Variants in KCNH8 observed in about 807,000 individuals in gnomAD.
KCNH8 encodes the protein potassium voltage-gated channel subfamily H member 8, also known as voltage-gated delayed rectifier potassium channel KCNH8.
KCNH8 carries 70 observed loss-of-function variants against 103.6 expected under a neutral mutation model. That is an observed-to-expected ratio of 0.68 (90% CI 0.56 to 0.82). The LOEUF (loss-of-function observed/expected upper bound fraction) is 0.82. Among genes scored for constraint, KCNH8 ranks in the 40% least tolerant of loss-of-function variants. The pLI is 0.00. For synonymous variants in KCNH8, 498 were observed against 489.4 expected (o/e 1.02, Z -0.23); for missense variants, 1,217 against 1,329.9 (o/e 0.92, Z 1.32).
chr3:19,210,814 T>A (rs1472870745), intron 1 of KCNH8, among the ~76,000 whole-genome samples: 1 of 152,118 alleles, frequency 6.6e-6, no homozygotes, highest in African/African-American at 2.4e-5. Context: ...CAAAGTAGGT[T>A]CCTCTGACAG....
chr3:19,175,460 C>T (rs567934687), intron 1 of KCNH8, among the ~76,000 whole-genome samples: 27 of 152,272 alleles, frequency 1.8e-4, no homozygotes, highest in Non-Finnish European at 3.5e-4. Flanking sequence ...CCGTCCGCCT[C>T]GGCCTCCCAA....
intron 7 of KCNH8, among the ~76,000 whole-genome samples, chr3:19,429,612 C>T (rs1400534712): frequency 2.0e-5 from 3 of 152,038 alleles, no homozygotes; most frequent in Non-Finnish European, 4.4e-5. Flanking sequence ...GGTACAAACC[C>T]AGGTTTGTTA....
intron 8 of KCNH8, among the ~76,000 whole-genome samples, chr3:19,443,058 T>C (rs2067305992): frequency 6.6e-6 from 1 of 151,900 alleles, no homozygotes; most frequent in South Asian, 2.1e-4. Flanking sequence ...TTTTTATAAA[T>C]ATAAACAAAT....
At chr3:19,156,974 T>C (rs1559400784) in intron 1 of KCNH8, among the ~76,000 whole-genome samples, 1 of 150,750 alleles carries the variant, frequency 6.6e-6, no homozygotes. Context: ...AGCTTTTTTT[T>C]TTTTTTTTAA....
chr3:19,180,417 T>C (rs1038486858), intron 1 of KCNH8, among the ~76,000 whole-genome samples: 1 of 152,132 alleles, frequency 6.6e-6, no homozygotes, highest in Non-Finnish European at 1.5e-5. Context: ...ATATTTATCA[T>C]GGAATAAACA....
At chr3:19,376,752 A>T (rs1002301262) in intron 5 of KCNH8, among the ~76,000 whole-genome samples, 4 of 152,194 alleles carry the variant, frequency 2.6e-5, no homozygotes, top group Admixed American at 2.6e-4. Context: ...TTTACATTGG[A>T]TAATCCAAAA....
At chr3:19,477,895 A>G (rs1038626086) in intron 11 of KCNH8, among the ~76,000 whole-genome samples, 2 of 152,048 alleles carry the variant, frequency 1.3e-5, no homozygotes, top group Non-Finnish European at 2.9e-5. Flanking sequence ...ATTGTACTCA[A>G]TAAGTAATTT....
rs369242343 is a variant in KCNH8 at position 19,175,362 on chromosome 3, C to G, written c.76+26567C>G. ...TCAGCCTCCCGAGTAGCTGGGACTACAGGCGCCCGCCACTACGCCCGGCTA... is the reference window on the plus strand; with the variant it reads ...TCAGCCTCCCGAGTAGCTGGGACTAGAGGCGCCCGCCACTACGCCCGGCTA... On this transcript the variant is annotated intron_variant, in intron 1 of 15. Transcript: ENST00000328405. 4.5e-3 allele frequency among the ~76,000 whole-genome samples: 686 copies of G among 151,604 alleles called. 5 individuals are homozygous for G. Among genetic ancestry groups the G allele is most frequent in the African/African-American group, 0.015 (614 of 41,436 alleles).
At chr3:19,174,316 T>C (rs1291096021) in intron 1 of KCNH8, among the ~76,000 whole-genome samples, 3 of 152,320 alleles carry the variant, frequency 2.0e-5, no homozygotes, top group African/African-American at 4.8e-5. Flanking sequence ...TTCAAATACA[T>C]TTGAATAAAA....
At chr3:19,518,301 T>C (rs2068910302) in intron 15 of KCNH8, among the ~76,000 whole-genome samples, 1 of 152,080 alleles carries the variant, frequency 6.6e-6, no homozygotes, top group African/African-American at 2.4e-5. Flanking sequence ...TAATAATGCC[T>C]GCCTTATGGC....
chr3:19,457,324 T>C (rs971854318), intron 11 of KCNH8, among the ~76,000 whole-genome samples: 1 of 151,982 alleles, frequency 6.6e-6, no homozygotes, highest in Non-Finnish European at 1.5e-5. Context: ...ATGAAGTATA[T>C]GGTTCAGTTT....
intron 3 of KCNH8, among the ~76,000 whole-genome samples, chr3:19,301,370 A>G (rs1027639387): frequency 1.3e-5 from 2 of 148,764 alleles, no homozygotes; most frequent in African/African-American, 4.9e-5. Flanking sequence ...TAAAATAAAT[A>G]TGTAACATTT....
At chr3:19,432,272 G>A (rs776274120) in intron 7 of KCNH8, among the ~76,000 whole-genome samples, 2 of 152,116 alleles carry the variant, frequency 1.3e-5, no homozygotes, top group Admixed American at 6.6e-5. Flanking sequence ...GGAAACTTGA[G>A]ATTCCTTTTC....
intron 5 of KCNH8, among the ~76,000 whole-genome samples, chr3:19,351,632 A>T (rs1054191237): frequency 1.3e-5 from 2 of 152,196 alleles, no homozygotes; most frequent in Admixed American, 6.6e-5. Context: ...ATCCGGCCAA[A>T]CTAAGCTTCA....
intron 1 of KCNH8, among the ~76,000 whole-genome samples, chr3:19,186,954 CAATTCAGCTGTTGTAGCA>C (rs1300010998): frequency 7.2e-5 from 11 of 151,996 alleles, no homozygotes; most frequent in Non-Finnish European, 1.3e-4. Flanking sequence ...GTCTCCCATT[CAATTCAGCTGTTGTAGCA>C]TGAAAGCAGC....
Position 19,219,140 on chromosome 3 carries a change from T to C in KCNH8, c.77-34514T>C, listed in dbSNP as rs916635372. Among the ~76,000 whole-genome samples the C allele has an allele frequency of 5.3e-5, 8 of 152,168 alleles. 1 individual carries two copies. The highest frequency in any genetic ancestry group is 3.9e-4 in the East Asian group (2 of 5,176). ...GAATGTGCTGCTGCCCTAAAGTCTT[T>C]GCCTTGTCTGTTCCCTCTGCCTAGA... On this transcript the variant is annotated intron_variant, in intron 1 of 15. Transcript: ENST00000328405.
chr3:19,499,226 G>A (rs1314442339), intron 11 of KCNH8, among the ~76,000 whole-genome samples: 1 of 152,058 alleles, frequency 6.6e-6, no homozygotes, highest in Non-Finnish European at 1.5e-5. Flanking sequence ...GAAGCGAGAA[G>A]GGAAGTTTAG....
intron 15 of KCNH8, among the ~76,000 whole-genome samples, chr3:19,529,278 C>T (rs1394324837): frequency 1.3e-5 from 2 of 152,112 alleles, no homozygotes; most frequent in Non-Finnish European, 1.5e-5. Flanking sequence ...TTGATCAGAA[C>T]GATTTTGTTT....
chr3:19,230,852 C>G (rs758478551), intron 1 of KCNH8, among the ~76,000 whole-genome samples: 1 of 152,162 alleles, frequency 6.6e-6, no homozygotes, highest in African/African-American at 2.4e-5. Context: ...CTTCGGAACG[C>G]AAATTTGCAA....
Sources: gnomAD v4.1 joint callset for allele counts (sites outside exome capture counted in the v4.1 genomes callset) on GRCh38, gnomAD v4.1.1 for gene constraint, MANE v1.5 for transcripts, NCBI Gene and HGNC (gene_info 2026-07-23, HGNC 2026-07-21) for gene names.